LRP1B: variants seen among roughly 807,000 people sequenced by gnomAD.
LRP1B encodes the protein low-density lipoprotein receptor-related protein 1B.
LRP1B carries 217 observed loss-of-function variants against 556.6 expected under a neutral mutation model. The ratio of observed to expected loss-of-function variants is 0.39; its 90% CI spans 0.35 to 0.44. LRP1B has a LOEUF of 0.44. Ranked by LOEUF, LRP1B falls within the 20% of genes least tolerant of loss-of-function variation. The probability of loss-of-function intolerance (pLI) is 1.00; values close to 1 mark genes in which losing one functional copy is unlikely to be tolerated. For synonymous variants in LRP1B, 2,047 were observed against 1,865.8 expected (o/e 1.10, Z -2.50); for missense variants, 5,053 against 5,620.8 (o/e 0.90, Z 3.23).
intron 2 of LRP1B, among the ~76,000 whole-genome samples, chr2:141,745,941 G>A (rs987654072): frequency 6.6e-6 from 1 of 151,980 alleles, no homozygotes; most frequent in Non-Finnish European, 1.5e-5. Context: ...ATGGCAGCAG[G>A]TTCCCTTCTG....
At chr2:141,736,139 T>C (rs1037355914) in intron 2 of LRP1B, among the ~76,000 whole-genome samples, 7 of 152,056 alleles carry the variant, frequency 4.6e-5, no homozygotes, top group Non-Finnish European at 1.0e-4. Flanking sequence ...CGGCAGACCC[T>C]TGGAAACCCA....
intron 2 of LRP1B, among the ~76,000 whole-genome samples, chr2:141,597,803 A>G (rs565945416): frequency 6.6e-6 from 1 of 152,208 alleles, no homozygotes; most frequent in African/African-American, 2.4e-5. Context: ...TATTTAAATG[A>G]TGAACAGTCA....
intron 3 of LRP1B, among the ~76,000 whole-genome samples, chr2:141,381,924 T>C (rs1318426096): frequency 5.9e-5 from 9 of 151,674 alleles, no homozygotes; most frequent in Non-Finnish European, 1.2e-4. Context: ...ATCCTCAGAA[T>C]TTAGGTACAA....
chr2:140,719,196 T>C (rs755494069), intron 35 of LRP1B, among the ~76,000 whole-genome samples: 1 of 152,174 alleles, frequency 6.6e-6, no homozygotes, highest in South Asian at 2.1e-4. Context: ...AGTAATGAGG[T>C]AATGTGATAT....
intron 2 of LRP1B, among the ~76,000 whole-genome samples, chr2:141,590,101 A>G (rs928578444): frequency 2.0e-5 from 3 of 152,164 alleles, no homozygotes; most frequent in Middle Eastern, 3.2e-3. Context: ...ATGCAGAAAA[A>G]AAAATGGTTA....
intron 89 of LRP1B, among the ~76,000 whole-genome samples, chr2:140,237,910 A>G (rs1680781320): frequency 6.6e-6 from 1 of 150,918 alleles, no homozygotes; most frequent in African/African-American, 2.4e-5. Flanking sequence ...ATATAAAAAC[A>G]TGTTTATAAA....
chr2:140,746,391 C>A (rs911869642), intron 35 of LRP1B, among the ~76,000 whole-genome samples: 3 of 151,914 alleles, frequency 2.0e-5, no homozygotes, highest in South Asian at 2.1e-4. Flanking sequence ...TTTTTTATTC[C>A]TTTTATCTAA....
chr2:140,293,483 G>A (rs1683479741), intron 84 of LRP1B, among the ~76,000 whole-genome samples: 2 of 152,048 alleles, frequency 1.3e-5, no homozygotes, highest in African/African-American at 2.4e-5. Flanking sequence ...CAGACCTCAG[G>A]ACTTTATATT....
chr2:141,982,822 G>T (rs909373518), intron 1 of LRP1B, among the ~76,000 whole-genome samples: 1 of 152,072 alleles, frequency 6.6e-6, no homozygotes, highest in Non-Finnish European at 1.5e-5. Context: ...CTGAAAAGTT[G>T]TATGAATAAA....
intron 1 of LRP1B, among the ~76,000 whole-genome samples, chr2:141,962,649 A>T (rs1701434703): frequency 6.6e-6 from 1 of 151,832 alleles, no homozygotes; most frequent in African/African-American, 2.4e-5. Flanking sequence ...TTGTACTTCT[A>T]TAAAAAGAGT....
chr2:142,091,191 T>TAC (rs1377834869), intron 1 of LRP1B, among the ~76,000 whole-genome samples: 1 of 152,164 alleles, frequency 6.6e-6, no homozygotes, highest in African/African-American at 2.4e-5. Context: ...CATATTTATC[T>TAC]ACAACTTCTA....
At chr2:141,103,887 G>A (rs780064421) in intron 7 of LRP1B, among the ~76,000 whole-genome samples, 1 of 151,750 alleles carries the variant, frequency 6.6e-6, no homozygotes, top group Non-Finnish European at 1.5e-5. Context: ...GTATTCTGAG[G>A]AGCAAATTAT....
At chr2:141,114,530 C>T (rs1260604032) in intron 7 of LRP1B, among the ~76,000 whole-genome samples, 1 of 152,156 alleles carries the variant, frequency 6.6e-6, no homozygotes, top group African/African-American at 2.4e-5. Context: ...AGCAAAACTC[C>T]TCTTGATATT....
chr2:140,712,163 TGA>T (rs896952502), intron 37 of LRP1B, among the ~76,000 whole-genome samples: 20 of 152,234 alleles, frequency 1.3e-4, no homozygotes, highest in Middle Eastern at 3.4e-3. Flanking sequence ...TCAGAAATTT[TGA>T]GAGTGTCTGT....
intron 35 of LRP1B, among the ~76,000 whole-genome samples, chr2:140,718,346 T>C (rs1478214893): frequency 6.6e-6 from 1 of 152,140 alleles, no homozygotes; most frequent in Non-Finnish European, 1.5e-5. Context: ...AATCACCAGA[T>C]ACTCTCATAT....
chr2:140,466,812 C>T (rs553031036), intron 60 of LRP1B, among the ~76,000 whole-genome samples: 33 of 152,206 alleles, frequency 2.2e-4, no homozygotes, highest in African/African-American at 7.0e-4. Flanking sequence ...TTTCTTAGTT[C>T]GCCCTTTTGT....
At chr2:141,462,425 T>TA (rs994783098) in intron 3 of LRP1B, among the ~76,000 whole-genome samples, 1 of 150,586 alleles carries the variant, frequency 6.6e-6, no homozygotes, top group African/African-American at 2.5e-5. Context: ...TTCTCATTCA[T>TA]AAGTGGGAGT....
intron 11 of LRP1B, among the ~76,000 whole-genome samples, chr2:141,039,888 G>T (rs1698645875): frequency 6.6e-6 from 1 of 151,938 alleles, no homozygotes. Flanking sequence ...TAGTTCTGGA[G>T]AAATAATATG....
At chr2:141,278,960 C>T (rs957883936) in intron 3 of LRP1B, among the ~76,000 whole-genome samples, 12 of 151,970 alleles carry the variant, frequency 7.9e-5, no homozygotes, top group African/African-American at 2.7e-4. Flanking sequence ...CACTTGGTTC[C>T]GTTTTATTGG....
Sources: allele counts gnomAD v4.1 joint callset (sites outside exome capture counted in the v4.1 genomes callset), GRCh38; gene constraint gnomAD v4.1.1; transcripts MANE v1.5; gene names NCBI Gene and HGNC (gene_info 2026-07-23, HGNC 2026-07-21).